Variants in DEF8 observed in about 807,000 individuals in gnomAD.
The protein encoded by DEF8 is differentially expressed in FDCP 8 homolog, also known as DEF-8.
DEF8 carries 38 observed loss-of-function variants against 59.1 expected under a neutral mutation model. The ratio of observed to expected loss-of-function variants is 0.64; its 90% CI spans 0.50 to 0.84. The LOEUF is 0.84. Ranked by LOEUF, DEF8 falls within the 40% of genes least tolerant of loss-of-function variation. The probability of loss-of-function intolerance (pLI) is 0.00; values close to 1 mark genes in which losing one functional copy is unlikely to be tolerated. For synonymous variants in DEF8, 265 were observed against 250.1 expected, an observed-to-expected ratio of 1.06 and a Z score of -0.56; for missense variants, 557 against 615.2, an observed-to-expected ratio of 0.91 and a Z score of 1.00.
chr16:89,960,379 C>T (rs1330286922), intron 6 of DEF8, among the ~76,000 whole-genome samples: 1 of 152,048 alleles, frequency 6.6e-6, no homozygotes, highest in Admixed American at 6.5e-5. Context: ...TGCGGTGGCT[C>T]ACGCCTGTAA....
Position 89,966,947 on chromosome 16 carries a change from A to G in DEF8, c.*984A>G, listed in dbSNP as rs181458114. 58 of 222,070 alleles carry G rather than the reference A, an allele frequency of 2.6e-4. No homozygotes were observed. The highest frequency in any genetic ancestry group is 1.2e-3 in the African/African-American group (55 of 44,288). 13.8% of individuals were successfully genotyped at this position (222,070 alleles called of 1,614,324 possible). On this transcript the variant is annotated 3_prime_UTR_variant, in exon 13 of 13. Coordinates refer to ENST00000563594, the MANE Select transcript of DEF8 (RefSeq NM_001242818.2). ...GGGGCCTGAGGTCAAGAGAGCTGAG[A>G]GTATTCGCTCGACTGAGCACATTCA...
At chr16:89,964,687 C>G in intron 12 of DEF8, 112 bp downstream of exon 12, 1 of 741,176 alleles carries the variant, frequency 1.3e-6, no homozygotes, top group Non-Finnish European at 2.2e-6. Context: ...ACTGCTCCCC[C>G]GAGAAAGGGG....
chr16:89,963,505 A>G, intron 10 of DEF8, 62 bp downstream of exon 10: 7 of 1,477,174 alleles, frequency 4.7e-6, no homozygotes, highest in Non-Finnish European at 5.6e-6. Flanking sequence ...GAGGCACCTC[A>G]GGCTCAGGTT....
Position 89,962,058 on chromosome 16 carries a change from C to T in DEF8, c.854C>T (p.Pro285Leu). 1 of 1,614,104 alleles carries T rather than the reference C, an allele frequency of 6.2e-7. No individual in the cohort carries two copies. Among genetic ancestry groups the T allele is most frequent in the Non-Finnish European group, 8.5e-7 (1 of 1,179,998 alleles). ...MRYLALMVSR[P>L]VLRLREINPL... ...TACCTGGCGCTGATGGTGTCTCGGC[C>T]CGTACTCAGGCTCCGGGAGATCAAC... The change falls in exon 9 of 13, where the codon CCC becomes CTC. Residue 285 changes from proline to leucine, a missense_variant. By Grantham distance (98) the Pro-to-Leu change is moderately conservative. Transcript: ENST00000563594.
rs1218667423 is a variant in DEF8 at position 89,964,172 on chromosome 16, C to T, written c.1005C>T (p.Leu335=). 6.2e-7 allele frequency: 1 copy of T among 1,613,750 alleles called. No homozygotes were observed. Among genetic ancestry groups the T allele is most frequent in the African/African-American group, 1.3e-5 (1 of 74,880 alleles). The part of the protein sequence containing the change: ...EAMEARLLLQ[L]QDRQHFVEND... Reference sequence around the variant, plus strand: ...TCACGGCTGCTGGGACTTGGCAGCTCCAGGATCGGCAGCATTTTGTGGAGA... The same window carrying T: ...TCACGGCTGCTGGGACTTGGCAGCTTCAGGATCGGCAGCATTTTGTGGAGA... The change falls in exon 11 of 13, where the codon CTC becomes CTT. Residue 335 remains leucine, a splice_region_variant and synonymous_variant. Coordinates refer to ENST00000563594, the MANE Select transcript of DEF8 (RefSeq NM_001242818.2).
At chr16:89,961,914 G>A in intron 8 of DEF8, 50 bp downstream of exon 8, 2 of 1,598,966 alleles carry the variant, frequency 1.3e-6, no homozygotes, top group African/African-American at 1.3e-5. Flanking sequence ...GAGCAGGAAG[G>A]GGGTTGGGGT....
chr16:89,955,305 A>G (rs2032970303), intron 4 of DEF8, 39 bp downstream of exon 4: 1 of 1,569,488 alleles, frequency 6.4e-7, no homozygotes, highest in African/African-American at 1.4e-5. Context: ...GGACTGAGGG[A>G]ACCCCCAAGG....
At chr16:89,952,965 G>A (rs140062837) in intron 2 of DEF8, among the ~76,000 whole-genome samples, 2 of 152,340 alleles carry the variant, frequency 1.3e-5, no homozygotes, top group African/African-American at 4.8e-5. Flanking sequence ...GTTCTTCCAG[G>A]CCACAGTGTG....
At chr16:89,957,740 C>G in intron 5 of DEF8, 80 bp downstream of exon 5, 1 of 1,436,664 alleles carries the variant, frequency 7.0e-7, no homozygotes, top group Non-Finnish European at 9.2e-7. Flanking sequence ...CTGCCAGCCT[C>G]TGGCTCTCTC....
intron 7 of DEF8, 111 bp downstream of exon 7, chr16:89,961,206 A>C: frequency 7.2e-7 from 1 of 1,384,506 alleles, no homozygotes; most frequent in Non-Finnish European, 9.8e-7. Context: ...GCCCTGGGGC[A>C]GTGCCTGCTT....
chr16:89,961,772 A>G lies in DEF8; in HGVS notation c.715A>G (p.Thr239Ala). The change falls in exon 8 of 13, where the codon ACC becomes GCC. Residue 239 changes from threonine to alanine, a missense_variant. Transcript: ENST00000563594. ...VPSEARQCDYTGQYYCSHCHW... is the reference protein window; with the variant it reads ...VPSEARQCDYAGQYYCSHCHW... ...CAGTGAGGCCAGGCAGTGCGACTACACCGGCCAGTACTACTGCAGCCACTG... is the reference window on the plus strand; with the variant it reads ...CAGTGAGGCCAGGCAGTGCGACTACGCCGGCCAGTACTACTGCAGCCACTG... 6.2e-7 allele frequency: 1 copy of G among 1,612,924 alleles called. No homozygotes were observed. The highest frequency in any genetic ancestry group is 8.5e-7 in the Non-Finnish European group (1 of 1,179,772).
intron 12 of DEF8, among the ~76,000 whole-genome samples, 184 bp downstream of exon 12, chr16:89,964,759 G>A (rs1409548404): frequency 6.6e-5 from 10 of 152,294 alleles, no homozygotes; most frequent in South Asian, 4.1e-4. Context: ...CCTGATGTCT[G>A]TGACTAAATG....
Position 89,954,334 on chromosome 16 carries a change from G to A in DEF8, c.82G>A (p.Glu28Lys). The stretch of plus-strand genomic sequence containing the variant: ...CAAGCAGTCTGGGCCGAGACAGCAT[G>A]AGCAGGGCCCTGGGGAGGAGGTCCC... ...FNKQSGPRQH[E>K]QGPGEEVPDV... The change falls in exon 3 of 13, where the codon GAG becomes AAG. Residue 28 changes from glutamate to lysine, a missense_variant. Glu to Lys is a moderately conservative substitution (Grantham distance 56). Coordinates refer to ENST00000563594, the MANE Select transcript of DEF8 (RefSeq NM_001242818.2). The surrounding 1 kb of genome is among the most constrained non-coding windows in gnomAD (Gnocchi z 4.3). 1 of 1,613,900 alleles carries A rather than the reference G, an allele frequency of 6.2e-7. No individual in the cohort carries two copies. Among genetic ancestry groups the A allele is most frequent in the South Asian group, 1.1e-5 (1 of 91,074 alleles).
Position 89,959,086 on chromosome 16 carries a change from G to A in DEF8, c.445G>A (p.Val149Ile), listed in dbSNP as rs201718612. Reference sequence around the variant, plus strand: ...CTTTTACAAGGAGAAGAGCAAGAGCGTCAAGCAGACCTGTGACAAGTGTAA... The same window carrying A: ...CTTTTACAAGGAGAAGAGCAAGAGCATCAAGCAGACCTGTGACAAGTGTAA... ...HRFYKEKSKS[V>I]KQTCDKCNTI... The change falls in exon 6 of 13, where the codon GTC becomes ATC. Residue 149 changes from valine (V) to isoleucine (I), a missense_variant. Val to Ile is a conservative substitution (Grantham distance 29). Transcript: ENST00000563594. The A allele has an allele frequency of 5.0e-5, 80 of 1,613,878 alleles. No individual in the cohort carries two copies. The highest frequency in any genetic ancestry group is 6.0e-5 in the Non-Finnish European group (71 of 1,180,022).
chr16:89,952,303 C>T (rs2032309398), intron 2 of DEF8, among the ~76,000 whole-genome samples: 1 of 152,228 alleles, frequency 6.6e-6, no homozygotes, highest in East Asian at 1.9e-4. Flanking sequence ...CGGCCCATTA[C>T]TGTTGTTTTC....
In DEF8 at chr16:89,949,485, G is replaced by A; in HGVS notation, c.-39G>A. The A allele has an allele frequency of 1.2e-6, 2 of 1,612,686 alleles. No homozygotes were observed. The highest frequency in any genetic ancestry group is 1.3e-5 in the African/African-American group (1 of 75,010). On this transcript the variant is annotated 5_prime_UTR_variant, in exon 2 of 13. Coordinates refer to ENST00000563594, the MANE Select transcript of DEF8 (RefSeq NM_001242818.2). ...AGAGGAATGGCCATCCTGTCCCTGCGAGCCCCTGGGCCCTGGCAGGCGATG... is the reference window on the plus strand; with the variant it reads ...AGAGGAATGGCCATCCTGTCCCTGCAAGCCCCTGGGCCCTGGCAGGCGATG...
intron 3 of DEF8, 93 bp from the exon 4 acceptor site, chr16:89,955,076 C>T: frequency 1.0e-6 from 1 of 999,580 alleles, no homozygotes. Context: ...TCCTGAATCC[C>T]TTTCCCACTC....
At chr16:89,950,256 TC>T in intron 2 of DEF8, 1 of 985,644 alleles carries the variant, frequency 1.0e-6, no homozygotes, top group Non-Finnish European at 1.2e-6. Context: ...GCCAGTCTGT[TC>T]TGAGCAGCTC....
chr16:89,963,840 G>A (rs1224427920), intron 10 of DEF8: 1 of 493,996 alleles, frequency 2.0e-6, no homozygotes, highest in Non-Finnish European at 3.7e-6. Context: ...AGAAAAATAC[G>A]TTGTGTGCTG....
Sources: allele counts gnomAD v4.1 joint callset (sites outside exome capture counted in the v4.1 genomes callset), GRCh38; gene constraint gnomAD v4.1.1; non-coding constraint Gnocchi (gnomAD v3.1); transcripts MANE v1.5; gene names NCBI Gene and HGNC (gene_info 2026-07-23, HGNC 2026-07-21).